Variants in FRMD6 observed in about 807,000 individuals in gnomAD.
FRMD6 encodes the protein FERM domain-containing protein 6.
A neutral mutation model predicts 73.2 loss-of-function variants in FRMD6; 37 were observed. That is an observed-to-expected ratio of 0.51 (90% CI 0.39 to 0.66). FRMD6 has a LOEUF of 0.66. FRMD6 is among the 30% of genes least tolerant of loss of function. The pLI, the probability that FRMD6 is intolerant of heterozygous loss-of-function variation, is 0.00. For missense variants in FRMD6, 714 were observed against 780.5 expected (o/e 0.91, Z 1.02); for synonymous variants, 273 against 282.2 (o/e 0.97, Z 0.33).
At chr14:51,574,907 T>C (rs1294772417) in intron 2 of FRMD6, among the ~76,000 whole-genome samples, 2 of 152,194 alleles carry the variant, frequency 1.3e-5, no homozygotes, top group African/African-American at 2.4e-5. Flanking sequence ...TACTACACAT[T>C]GCATGCCTGT....
At chr14:51,549,341 G>T (rs921869183) in intron 1 of FRMD6, among the ~76,000 whole-genome samples, 1 of 152,108 alleles carries the variant, frequency 6.6e-6, no homozygotes, top group African/African-American at 2.4e-5. Flanking sequence ...CATAGTATAG[G>T]CTAGCTTAAT....
intron 2 of FRMD6, among the ~76,000 whole-genome samples, chr14:51,633,779 T>A (rs979748649): frequency 2.0e-5 from 3 of 152,196 alleles, no homozygotes; most frequent in African/African-American, 7.2e-5. Context: ...AGAGTGGAAC[T>A]GTTTGTGATT....
intron 2 of FRMD6, chr14:51,575,786 T>G (rs915571433): frequency 6.6e-6 from 1 of 152,242 alleles, no homozygotes; most frequent in Non-Finnish European, 1.5e-5. Flanking sequence ...TCTCCTTTTC[T>G]TTCTGTCATG....
chr14:51,572,329 C>T (rs1453609363), intron 2 of FRMD6, among the ~76,000 whole-genome samples: 4 of 152,210 alleles, frequency 2.6e-5, no homozygotes, highest in South Asian at 2.1e-4. Context: ...AAGCAAAACA[C>T]GTCATCAGTT....
chr14:51,540,959 A>G (rs1304744460), intron 1 of FRMD6, among the ~76,000 whole-genome samples: 1 of 152,124 alleles, frequency 6.6e-6, no homozygotes, highest in Admixed American at 6.6e-5. Context: ...AGACTAATAT[A>G]TTAAGGTAAA....
At chr14:51,541,198 G>T (rs1394901375) in intron 1 of FRMD6, among the ~76,000 whole-genome samples, 2 of 152,006 alleles carry the variant, frequency 1.3e-5, no homozygotes, top group African/African-American at 4.8e-5. Flanking sequence ...ATTCTAAGTT[G>T]GGATGACTTT....
chr14:51,710,274 A>C (rs1310276744), intron 7 of FRMD6, among the ~76,000 whole-genome samples: 1 of 152,186 alleles, frequency 6.6e-6, no homozygotes, highest in Non-Finnish European at 1.5e-5. Context: ...CTTTGGAGAA[A>C]TTCAGCGGCA....
chr14:51,460,047 A>G, the FRMD6 span, among the ~76,000 whole-genome samples: 2 of 152,012 alleles, frequency 1.3e-5, no homozygotes, highest in Admixed American at 6.6e-5. Context: ...ACTTGATATC[A>G]TATCATGAAA....
intron 2 of FRMD6, among the ~76,000 whole-genome samples, chr14:51,591,469 T>G (rs1889390672): frequency 6.6e-6 from 1 of 152,216 alleles, no homozygotes; most frequent in South Asian, 2.1e-4. Context: ...TTCAAACTAT[T>G]TCTGATAAGT....
intron 7 of FRMD6, among the ~76,000 whole-genome samples, chr14:51,710,597 C>T (rs1896888555): frequency 6.6e-6 from 1 of 152,084 alleles, no homozygotes. Flanking sequence ...TAGAAATAGG[C>T]TGTGTCTTAT....
chr14:51,430,827 C>T, the FRMD6 span, among the ~76,000 whole-genome samples: 18 of 152,240 alleles, frequency 1.2e-4, no homozygotes, highest in African/African-American at 2.6e-4. Context: ...TTGCATGAGC[C>T]GAGCCACAGG....
At chr14:51,514,396 T>C (rs1408882903) in intron 1 of FRMD6, among the ~76,000 whole-genome samples, 1 of 152,130 alleles carries the variant, frequency 6.6e-6, no homozygotes, top group African/African-American at 2.4e-5. Context: ...ACCTAATGCA[T>C]GTGGAGCTTA....
upstream of FRMD6, among the ~76,000 whole-genome samples, chr14:51,487,956 G>T (rs1882810934): frequency 6.6e-6 from 1 of 152,190 alleles, no homozygotes; most frequent in East Asian, 1.9e-4. Flanking sequence ...AGGAGATAAA[G>T]GACATTTTTA....
chr14:51,648,396 T>C (rs1252510417), upstream of FRMD6, among the ~76,000 whole-genome samples: 1 of 152,216 alleles, frequency 6.6e-6, no homozygotes, highest in Non-Finnish European at 1.5e-5. Flanking sequence ...TCCTCTGCCA[T>C]ATGCCTACAC....
the FRMD6 span, among the ~76,000 whole-genome samples, chr14:51,455,056 A>T: frequency 6.6e-6 from 1 of 152,168 alleles, no homozygotes; most frequent in East Asian, 1.9e-4. Context: ...GTCTGTTGAG[A>T]GAGAGAGAGA....
intron 1 of FRMD6, among the ~76,000 whole-genome samples, chr14:51,668,660 A>T (rs1458492531): frequency 6.6e-6 from 1 of 151,052 alleles, no homozygotes; most frequent in East Asian, 2.0e-4. Flanking sequence ...CTCGAATGAA[A>T]TAATGCTGGT....
the FRMD6 span, among the ~76,000 whole-genome samples, chr14:51,430,586 T>A: frequency 3.3e-5 from 5 of 150,504 alleles, no homozygotes; most frequent in African/African-American, 1.2e-4. Flanking sequence ...AAACTCTACA[T>A]GCCACAGGGA....
chr14:51,428,913 GGAGA>G, the FRMD6 span, among the ~76,000 whole-genome samples: 56 of 149,350 alleles, frequency 3.7e-4, no homozygotes, highest in African/African-American at 1.3e-3. Context: ...GAGGCTACAT[GGAGA>G]GAGAGAGGGG....
At chr14:51,539,381 G>A (rs968708397) in intron 1 of FRMD6, among the ~76,000 whole-genome samples, 5 of 152,038 alleles carry the variant, frequency 3.3e-5, no homozygotes, top group Non-Finnish European at 7.4e-5. Context: ...TTTGACCAAT[G>A]TCTATTTCCC....
Sources: allele counts gnomAD v4.1 joint callset (sites outside exome capture counted in the v4.1 genomes callset), GRCh38; gene constraint gnomAD v4.1.1; transcripts MANE v1.5; gene names NCBI Gene and HGNC (gene_info 2026-07-23, HGNC 2026-07-21).